SLC24A3: variants seen among roughly 807,000 people sequenced by gnomAD.
SLC24A3 encodes the protein sodium/potassium/calcium exchanger 3.
A neutral mutation model predicts 75.8 loss-of-function variants in SLC24A3; 28 were observed. The observed-to-expected ratio is 0.37, with a 90% CI of 0.27 to 0.51. The LOEUF is 0.51. SLC24A3 is among the 20% of genes least tolerant of loss of function. The pLI, the probability that SLC24A3 is intolerant of heterozygous loss-of-function variation, is 0.94. For synonymous variants in SLC24A3, 372 were observed against 334.1 expected (o/e 1.11, Z -1.24); for missense variants, 663 against 847.8 (o/e 0.78, Z 2.71).
At chr20:19,215,776 C>T (rs376734700) in intron 1 of SLC24A3, among the ~76,000 whole-genome samples, 3 of 152,102 alleles carry the variant, frequency 2.0e-5, no homozygotes, top group Non-Finnish European at 2.9e-5. Flanking sequence ...AGACATCTAA[C>T]GAAACTCAGA....
chr20:19,685,220 G>A lies in SLC24A3; in HGVS notation c.1183G>A (p.Val395Met), dbSNP rs199569984. 3.7e-4 allele frequency: 605 copies of A among 1,614,068 alleles called. 1 individual carries two copies. The highest frequency in any genetic ancestry group is 3.7e-4 in the Non-Finnish European group (441 of 1,180,042). ...TGPSSAPDRGVNGTRRDDVVA... is the reference protein window; with the variant it reads ...TGPSSAPDRGMNGTRRDDVVA... ...GCCCAGCAGTGCCCCAGACAGGGGC[G>A]TGAATGGGACACGGAGGGACGATGT... The change falls in exon 12 of 17, where the codon GTG becomes ATG. Residue 395 changes from valine to methionine, a missense_variant. Around this residue, in one of 2 missense-constraint regions of SLC24A3, gnomAD observed 510 missense variants for 703.6 expected, o/e 0.72. Coordinates refer to ENST00000328041, the MANE Select transcript of SLC24A3 (RefSeq NM_020689.4).
At chr20:19,397,647 C>A (rs200405160) in intron 2 of SLC24A3, among the ~76,000 whole-genome samples, 3 of 117,116 alleles carry the variant, frequency 2.6e-5, no homozygotes, top group Non-Finnish European at 3.6e-5. Context: ...TTTTTCTTTT[C>A]TTTTTTTTTT....
At chr20:19,637,683 A>C (rs1039544639) in intron 6 of SLC24A3, among the ~76,000 whole-genome samples, 1 of 152,250 alleles carries the variant, frequency 6.6e-6, no homozygotes, top group Non-Finnish European at 1.5e-5. Flanking sequence ...ACGGATTAGA[A>C]TGTAAATGTT....
At chr20:19,231,282 G>A (rs1050199663) in intron 1 of SLC24A3, among the ~76,000 whole-genome samples, 4 of 152,202 alleles carry the variant, frequency 2.6e-5, no homozygotes, top group African/African-American at 7.2e-5. Flanking sequence ...TAGTGCTCCC[G>A]AAGATGTTTA....
rs7270117 is a variant in SLC24A3, at chr20:19,453,389, G to A, written c.272-62099G>A. Among the ~76,000 whole-genome samples the A allele has an allele frequency of 4.4e-3, 675 of 152,246 alleles. 9 individuals carry two copies. Among genetic ancestry groups the A allele is most frequent in the African/African-American group, 0.016 (654 of 41,532 alleles). ...GTGTGATTTATGGCTTTGGTGGGAGGATTCTCTATAATGGCATGTCTGCAC... is the reference window on the plus strand; with the variant it reads ...GTGTGATTTATGGCTTTGGTGGGAGAATTCTCTATAATGGCATGTCTGCAC... On this transcript the variant is annotated intron_variant, in intron 2 of 16. Coordinates refer to ENST00000328041, the MANE Select transcript of SLC24A3 (RefSeq NM_020689.4).
At chr20:19,629,750 A>T (rs2031911182) in intron 6 of SLC24A3, among the ~76,000 whole-genome samples, 1 of 152,238 alleles carries the variant, frequency 6.6e-6, no homozygotes, top group African/African-American at 2.4e-5. Context: ...GGGATGATAT[A>T]TTCAAAGTGC....
At chr20:19,664,747 C>A (rs1192796739) in intron 7 of SLC24A3, among the ~76,000 whole-genome samples, 4 of 152,184 alleles carry the variant, frequency 2.6e-5, no homozygotes, top group Non-Finnish European at 5.9e-5. Flanking sequence ...CGCTCTGAGA[C>A]GACCATACTC....
At chr20:19,707,501 A>G (rs1035920945) in intron 15 of SLC24A3, among the ~76,000 whole-genome samples, 3 of 152,248 alleles carry the variant, frequency 2.0e-5, no homozygotes, top group Admixed American at 6.5e-5. Context: ...ACTACGATTG[A>G]GGATTTTAGC....
intron 2 of SLC24A3, among the ~76,000 whole-genome samples, chr20:19,434,041 G>T (rs571417457): frequency 2.6e-5 from 4 of 152,250 alleles, no homozygotes; most frequent in African/African-American, 9.6e-5. Flanking sequence ...ACCCTGGGAG[G>T]GGCAGTCCCT....
At chr20:19,376,324 A>C (rs1986083310) in intron 2 of SLC24A3, among the ~76,000 whole-genome samples, 1 of 152,186 alleles carries the variant, frequency 6.6e-6, no homozygotes, top group South Asian at 2.1e-4. Context: ...GAAAGGACAA[A>C]TGGAGGGCTA....
At chr20:19,273,660 G>A (rs1171752583) in intron 1 of SLC24A3, among the ~76,000 whole-genome samples, 1 of 152,082 alleles carries the variant, frequency 6.6e-6, no homozygotes, top group East Asian at 1.9e-4. Flanking sequence ...CTCTGGTCCA[G>A]CCCCAGGAGG....
intron 2 of SLC24A3, among the ~76,000 whole-genome samples, chr20:19,489,028 GAAACCCGCAT>G (rs1328349542): frequency 6.6e-6 from 1 of 152,212 alleles, no homozygotes; most frequent in African/African-American, 2.4e-5. Flanking sequence ...TCACAGAGCA[GAAACCCGCAT>G]ACGTCTTCTT....
intron 6 of SLC24A3, among the ~76,000 whole-genome samples, chr20:19,641,557 T>G (rs933544729): frequency 3.3e-5 from 5 of 152,214 alleles, no homozygotes; most frequent in African/African-American, 1.2e-4. Context: ...CGGATGGGGC[T>G]TTCTTCACTG....
chr20:19,698,770 A>G (rs1318562125), intron 15 of SLC24A3, 90 bp downstream of exon 15: 2 of 950,334 alleles, frequency 2.1e-6, no homozygotes, highest in Non-Finnish European at 3.3e-6. Context: ...TGTCTCGGGG[A>G]AAAAGGGGTG....
intron 2 of SLC24A3, among the ~76,000 whole-genome samples, chr20:19,361,870 A>G (rs1370938973): frequency 6.6e-6 from 1 of 152,204 alleles, no homozygotes; most frequent in African/African-American, 2.4e-5. Context: ...AATTTTCCTA[A>G]TAAAATATTC....
At chr20:19,695,530 A>C (rs2032794333) in intron 13 of SLC24A3, 1 of 152,110 alleles carries the variant, frequency 6.6e-6, no homozygotes, top group Admixed American at 6.5e-5. Flanking sequence ...TATTTGCATA[A>C]ATTTAAGCGG....
intron 1 of SLC24A3, among the ~76,000 whole-genome samples, chr20:19,247,805 G>A (rs959911519): frequency 5.9e-5 from 9 of 152,144 alleles, no homozygotes; most frequent in African/African-American, 1.9e-4. Flanking sequence ...GTGAACACTA[G>A]AAAATTTAAA....
At chr20:19,501,907 A>C (rs1208891058) in intron 2 of SLC24A3, among the ~76,000 whole-genome samples, 1 of 152,116 alleles carries the variant, frequency 6.6e-6, no homozygotes, top group African/African-American at 2.4e-5. Flanking sequence ...CCACCAGGCC[A>C]CACCGTGACT....
chr20:19,690,952 C>T (rs2032737816), intron 12 of SLC24A3, among the ~76,000 whole-genome samples: 2 of 152,128 alleles, frequency 1.3e-5, no homozygotes, highest in South Asian at 4.1e-4. Context: ...TTTCTTTGGT[C>T]TGTCTGATTA....
Sources: gnomAD v4.1 joint callset for allele counts (sites outside exome capture counted in the v4.1 genomes callset) on GRCh38, gnomAD v4.1.1 for gene constraint, gnomAD v4.1.1 regional missense constraint, MANE v1.5 for transcripts, NCBI Gene and HGNC (gene_info 2026-07-23, HGNC 2026-07-21) for gene names.